Variants in GRIK1 observed in about 807,000 individuals in gnomAD.
The protein encoded by GRIK1 is glutamate ionotropic receptor kainate type subunit 1.
A neutral mutation model predicts 105.7 loss-of-function variants in GRIK1; 69 were observed. The observed-to-expected ratio is 0.65, with a 90% confidence interval of 0.54 to 0.80. The LOEUF is 0.80. Among genes scored for constraint, GRIK1 ranks in the 30% least tolerant of loss-of-function variants. The pLI is 0.00. For missense variants in GRIK1, 1,109 were observed against 1,167.3 expected (o/e 0.95, Z 0.73); for synonymous variants, 438 against 431.3 (o/e 1.02, Z -0.19).
intron 1 of GRIK1, among the ~76,000 whole-genome samples, chr21:29,908,088 CCAGA>C (rs1276110124): frequency 1.3e-5 from 2 of 151,914 alleles, no homozygotes; most frequent in Non-Finnish European, 1.5e-5. Context: ...TTATTATACA[CCAGA>C]CATTGTTCTA....
intron 1 of GRIK1, among the ~76,000 whole-genome samples, chr21:29,874,549 C>T (rs551897792): frequency 6.6e-6 from 1 of 152,278 alleles, no homozygotes; most frequent in African/African-American, 2.4e-5. Flanking sequence ...GTTCGTCCGC[C>T]GCTCACCTCC....
chr21:29,857,951 G>T (rs1445169367), intron 1 of GRIK1, among the ~76,000 whole-genome samples: 1 of 152,162 alleles, frequency 6.6e-6, no homozygotes. Flanking sequence ...CCAGTCTGGA[G>T]TGCGGTGTCA....
chr21:29,722,967 C>T (rs2064359820), intron 1 of GRIK1, among the ~76,000 whole-genome samples: 1 of 152,180 alleles, frequency 6.6e-6, no homozygotes, highest in Non-Finnish European at 1.5e-5. Flanking sequence ...CTGTTTATGT[C>T]TATCTCAATT....
intron 16 of GRIK1, among the ~76,000 whole-genome samples, chr21:29,548,929 AT>A (rs927246524): frequency 5.9e-5 from 9 of 152,290 alleles, no homozygotes; most frequent in African/African-American, 2.2e-4. Flanking sequence ...ATAAAGCTTA[AT>A]TTTTTTCCCT....
chr21:29,825,447 A>G (rs971754897), intron 1 of GRIK1, among the ~76,000 whole-genome samples: 1 of 152,226 alleles, frequency 6.6e-6, no homozygotes, highest in African/African-American at 2.4e-5. Flanking sequence ...CAGAATCTTG[A>G]TATCTGTGAT....
In GRIK1 at chr21:29,669,537, G is replaced by A. The variant is rs899281010; in HGVS notation, c.726+3446C>T. 2.0e-5 allele frequency among the ~76,000 whole-genome samples: 3 copies of A among 152,194 alleles called. No homozygotes were observed. In the South Asian group the frequency reaches 6.2e-4, roughly 32 times the overall value. On this transcript the variant is annotated intron_variant, in intron 4 of 17. Transcript: ENST00000327783. ...ATCCATTCTGCTTGGGGGCCCTTCA[G>A]AGTAAAGTGAGCACACAGGCTCTGA...
chr21:29,700,859 T>C (rs1307142011), intron 1 of GRIK1, among the ~76,000 whole-genome samples: 1 of 152,142 alleles, frequency 6.6e-6, no homozygotes, highest in Non-Finnish European at 1.5e-5. Flanking sequence ...AATGTTTCAT[T>C]GTGGCAGAGA....
At chr21:29,852,050 A>T (rs2068323674) in intron 1 of GRIK1, among the ~76,000 whole-genome samples, 1 of 152,016 alleles carries the variant, frequency 6.6e-6, no homozygotes, top group Non-Finnish European at 1.5e-5. Context: ...TTCTCCTTCC[A>T]CAGTTTCTCA....
At chr21:29,706,927 A>T (rs573933697) in intron 1 of GRIK1, among the ~76,000 whole-genome samples, 3 of 151,704 alleles carry the variant, frequency 2.0e-5, no homozygotes, top group Non-Finnish European at 2.9e-5. Context: ...TGCAGTGGTG[A>T]GATCTCAGCT....
intron 11 of GRIK1, among the ~76,000 whole-genome samples, chr21:29,588,497 A>C (rs1271442550): frequency 2.0e-5 from 3 of 152,054 alleles, no homozygotes; most frequent in Non-Finnish European, 1.5e-5. Context: ...CTCACCTGCC[A>C]CCCTGTGATG....
intron 4 of GRIK1, among the ~76,000 whole-genome samples, chr21:29,655,226 T>C (rs2062825798): frequency 6.6e-6 from 1 of 152,212 alleles, no homozygotes; most frequent in African/African-American, 2.4e-5. Context: ...CTGACCATCA[T>C]AGAGAAATCC....
intron 1 of GRIK1, among the ~76,000 whole-genome samples, chr21:29,934,670 G>T (rs888656811): frequency 6.6e-6 from 1 of 152,052 alleles, no homozygotes; most frequent in Non-Finnish European, 1.5e-5. Context: ...TTAATGGAAG[G>T]AGCTCAAAAC....
chr21:29,653,323 A>T (rs1440221536), intron 5 of GRIK1, among the ~76,000 whole-genome samples: 1 of 152,248 alleles, frequency 6.6e-6, no homozygotes, highest in Non-Finnish European at 1.5e-5. Context: ...TACATTAAAC[A>T]TGTGCAAAAT....
intron 1 of GRIK1, among the ~76,000 whole-genome samples, chr21:29,809,901 G>C (rs1415169490): frequency 6.6e-6 from 1 of 152,132 alleles, no homozygotes; most frequent in Non-Finnish European, 1.5e-5. Context: ...AGAAATGGAG[G>C]AACAGCCGGT....
At chr21:29,880,005 C>G (rs1462459293) in intron 1 of GRIK1, among the ~76,000 whole-genome samples, 2 of 152,076 alleles carry the variant, frequency 1.3e-5, no homozygotes, top group Non-Finnish European at 2.9e-5. Context: ...TTCCCTGAAG[C>G]CCCTGGGGGC....
chr21:29,747,943 C>G (rs1046235867), intron 1 of GRIK1, among the ~76,000 whole-genome samples: 1 of 152,202 alleles, frequency 6.6e-6, no homozygotes, highest in African/African-American at 2.4e-5. Context: ...TTTACAGCAA[C>G]CTTTTTCTCC....
chr21:29,604,930 C>T (rs752352661), intron 7 of GRIK1, among the ~76,000 whole-genome samples: 1 of 152,144 alleles, frequency 6.6e-6, no homozygotes, highest in Non-Finnish European at 1.5e-5. Context: ...ATTAAATGCA[C>T]ATATTTTATT....
Position 29,654,808 on chromosome 21 carries a change from AC to A in GRIK1, c.780+1del. 6.5e-7 allele frequency: 1 copy of A among 1,538,718 alleles called. No individual in the cohort carries two copies. The highest frequency in any genetic ancestry group is 9.0e-7 in the Non-Finnish European group (1 of 1,111,142). On this transcript the variant is annotated splice_donor_variant, in intron 5 of 17. Coordinates refer to ENST00000327783, the MANE Select transcript of GRIK1 (RefSeq NM_001330994.2). LOFTEE classifies it high-confidence loss of function. ...GAATACATTTCTCCCAGATGCACTT[AC>A]CAGGGTTGTGAAAAAGTAGTGATAG...
intron 4 of GRIK1, among the ~76,000 whole-genome samples, chr21:29,659,227 A>G (rs1311560927): frequency 6.6e-6 from 1 of 152,210 alleles, no homozygotes; most frequent in African/African-American, 2.4e-5. Context: ...TATTACAAAT[A>G]AACAAATAAT....
Sources: allele counts gnomAD v4.1 joint callset (sites outside exome capture counted in the v4.1 genomes callset), GRCh38; gene constraint gnomAD v4.1.1; transcripts MANE v1.5; gene names NCBI Gene and HGNC (gene_info 2026-07-23, HGNC 2026-07-21).